AGTPBP1: variants seen among roughly 807,000 people sequenced by gnomAD.
AGTPBP1 encodes the protein ATP/GTP binding carboxypeptidase 1.
A neutral mutation model predicts 143.9 loss-of-function variants in AGTPBP1; 70 were observed. The ratio of observed to expected loss-of-function variants is 0.49; its 90% CI spans 0.40 to 0.59. The LOEUF is 0.59. Ranked by LOEUF, AGTPBP1 falls within the 20% of genes least tolerant of loss-of-function variation. AGTPBP1 has a pLI of 0.00. For synonymous variants in AGTPBP1, 463 were observed against 500.2 expected, an observed-to-expected ratio of 0.93 and a Z score of 0.99; for missense variants, 1,229 against 1,464.5, an observed-to-expected ratio of 0.84 and a Z score of 2.62.
At chr9:85,739,530 G>A (rs1824083007) in intron 1 of AGTPBP1, among the ~76,000 whole-genome samples, 1 of 151,718 alleles carries the variant, frequency 6.6e-6, no homozygotes, top group African/African-American at 2.4e-5. Flanking sequence ...GTAACATGGT[G>A]AAACCCCGTC....
At chr9:85,584,198 A>T (rs1394741048) in intron 23 of AGTPBP1, among the ~76,000 whole-genome samples, 1 of 152,046 alleles carries the variant, frequency 6.6e-6, no homozygotes, top group South Asian at 2.1e-4. Context: ...GAGCTCTACT[A>T]ATCTACTTGG....
At chr9:85,760,428 T>C in the AGTPBP1 span, among the ~76,000 whole-genome samples, 1 of 152,252 alleles carries the variant, frequency 6.6e-6, no homozygotes, top group South Asian at 2.1e-4. Context: ...ACCATGATCA[T>C]GTGGGCTTCA....
chr9:85,773,827 G>T, the AGTPBP1 span: 1 of 1,515,388 alleles, frequency 6.6e-7, no homozygotes. Context: ...GTCAAAATAT[G>T]TATTTGTTAG....
chr9:85,598,831 T>A lies in AGTPBP1; in HGVS notation c.2336-2382A>T, dbSNP rs180876079. The stretch of plus-strand genomic sequence containing the variant: ...ACCTCCCAGGTTCAAGTGATTCTCC[T>A]GCCTCAGCCTCCCGAGTAGCTGGGG... On this transcript the variant is annotated intron_variant, in intron 17 of 25. Transcript: ENST00000357081. 5.4e-3 allele frequency among the ~76,000 whole-genome samples: 815 copies of A among 152,262 alleles called. 8 individuals carry two copies. The highest frequency in any genetic ancestry group is 0.011 in the Admixed American group (164 of 15,294).
intron 11 of AGTPBP1, among the ~76,000 whole-genome samples, chr9:85,650,380 A>C (rs1349498394): frequency 1.3e-5 from 2 of 148,216 alleles, no homozygotes; most frequent in Non-Finnish European, 3.1e-5. Flanking sequence ...CAATGTGTAG[A>C]CAACAAGGAT....
At chr9:85,796,301 G>A in the AGTPBP1 span, among the ~76,000 whole-genome samples, 2 of 152,202 alleles carry the variant, frequency 1.3e-5, no homozygotes, top group African/African-American at 4.8e-5. Flanking sequence ...TGAGTGAGGG[G>A]TTGAATTCTT....
chr9:85,744,493 G>A (rs1824559694), upstream of AGTPBP1, among the ~76,000 whole-genome samples: 1 of 152,122 alleles, frequency 6.6e-6, no homozygotes, highest in Non-Finnish European at 1.5e-5. Flanking sequence ...CTTGTCTCAA[G>A]ACCAGGAAAA....
the AGTPBP1 span, among the ~76,000 whole-genome samples, chr9:85,770,737 T>C: frequency 6.6e-6 from 1 of 152,174 alleles, no homozygotes; most frequent in Admixed American, 6.5e-5. Flanking sequence ...GAAGTCCTTT[T>C]TGAAAGTTTT....
intron 25 of AGTPBP1, among the ~76,000 whole-genome samples, chr9:85,550,031 C>A (rs1825942477): frequency 6.6e-6 from 1 of 152,130 alleles, no homozygotes; most frequent in Admixed American, 6.5e-5. Flanking sequence ...TCATTAAGGT[C>A]TACATTGGAG....
chr9:85,614,968 T>G (rs1216843539), intron 17 of AGTPBP1, among the ~76,000 whole-genome samples: 3 of 152,160 alleles, frequency 2.0e-5, no homozygotes, highest in Admixed American at 1.3e-4. Flanking sequence ...TTTAACGGCT[T>G]CTGAACGGTA....
At chr9:85,721,788 T>C (rs1310247441) in intron 1 of AGTPBP1, among the ~76,000 whole-genome samples, 1 of 152,228 alleles carries the variant, frequency 6.6e-6, no homozygotes, top group East Asian at 1.9e-4. Context: ...CAATTTGGCA[T>C]GTTTTTGCAG....
intron 2 of AGTPBP1, among the ~76,000 whole-genome samples, chr9:85,701,878 T>C (rs982610437): frequency 6.6e-6 from 1 of 152,228 alleles, no homozygotes; most frequent in African/African-American, 2.4e-5. Flanking sequence ...TTCATTACCA[T>C]AGTCAAGATA....
chr9:85,614,164 GC>G (rs1297591032), intron 17 of AGTPBP1, among the ~76,000 whole-genome samples: 1 of 151,864 alleles, frequency 6.6e-6, no homozygotes, highest in African/African-American at 2.4e-5. Flanking sequence ...ATACAAGGAT[GC>G]CCAGTGTACC....
chr9:85,726,153 C>A (rs1838473032), intron 1 of AGTPBP1, among the ~76,000 whole-genome samples: 1 of 148,116 alleles, frequency 6.8e-6, no homozygotes, highest in South Asian at 2.1e-4. Flanking sequence ...TCGCTTGAGC[C>A]TGGAAGATTG....
intron 2 of AGTPBP1, among the ~76,000 whole-genome samples, chr9:85,698,793 C>T (rs1433744898): frequency 2.0e-5 from 3 of 146,980 alleles, no homozygotes; most frequent in Admixed American, 1.4e-4. Flanking sequence ...CCTGGGTTCA[C>T]GCCATTCTCC....
intron 8 of AGTPBP1, among the ~76,000 whole-genome samples, chr9:85,662,494 T>C (rs918404392): frequency 6.6e-6 from 1 of 152,118 alleles, no homozygotes; most frequent in Admixed American, 6.6e-5. Context: ...TATAAAACTA[T>C]GAGAATAAGG....
rs1587953985 is a variant in AGTPBP1, at chr9:85,711,018, A to G, written c.32+1484T>C. On this transcript the variant is annotated intron_variant, in intron 2 of 25. Transcript: ENST00000357081. ...TAATAACTGCAAAACCTAGCAATTTAAGGAATAAATCTTATCTAAACAGTG... is the reference window on the plus strand; with the variant it reads ...TAATAACTGCAAAACCTAGCAATTTGAGGAATAAATCTTATCTAAACAGTG... 3.3e-5 allele frequency among the ~76,000 whole-genome samples: 5 copies of G among 152,346 alleles called. 1 individual carries two copies. The highest frequency in any genetic ancestry group is 3.3e-4 in the Admixed American group (5 of 15,304).
chr9:85,721,918 C>T (rs1000995255), intron 1 of AGTPBP1, among the ~76,000 whole-genome samples: 4 of 152,134 alleles, frequency 2.6e-5, no homozygotes, highest in African/African-American at 9.7e-5. Context: ...TTTATTTCTC[C>T]TTCACTTATA....
intron 14 of AGTPBP1, among the ~76,000 whole-genome samples, chr9:85,621,958 A>G (rs1244669129): frequency 6.6e-6 from 1 of 152,174 alleles, no homozygotes; most frequent in African/African-American, 2.4e-5. Flanking sequence ...TCTTTACCCC[A>G]TCAATATTTA....
Sources: gnomAD v4.1 joint callset for allele counts (sites outside exome capture counted in the v4.1 genomes callset) on GRCh38, gnomAD v4.1.1 for gene constraint, MANE v1.5 for transcripts, NCBI Gene and HGNC (gene_info 2026-07-23, HGNC 2026-07-21) for gene names.